MTRR: variants seen among roughly 807,000 people sequenced by gnomAD.
MTRR encodes the protein methionine synthase reductase.
MTRR carries 63 observed loss-of-function variants against 79.2 expected under a neutral mutation model. That is an observed-to-expected ratio of 0.80 (90% CI 0.65 to 0.98). The LOEUF is 0.98. Ranked by LOEUF, MTRR falls within the 50% of genes least tolerant of loss-of-function variation. The pLI, the probability that MTRR is intolerant of heterozygous loss-of-function variation, is 0.00. For synonymous variants in MTRR, 355 were observed against 313.3 expected, an observed-to-expected ratio of 1.13 and a Z score of -1.41; for missense variants, 895 against 839.6, an observed-to-expected ratio of 1.07 and a Z score of -0.82.
intron 9 of MTRR, among the ~76,000 whole-genome samples, chr5:7,891,118 T>A (rs1737467639): frequency 6.6e-6 from 1 of 152,146 alleles, no homozygotes; most frequent in Non-Finnish European, 1.5e-5. Flanking sequence ...CTTTTAAAAT[T>A]CGCCTTTGGG....
intron 9 of MTRR, among the ~76,000 whole-genome samples, chr5:7,890,971 T>A (rs946366511): frequency 1.5e-4 from 23 of 151,762 alleles, no homozygotes; most frequent in African/African-American, 5.1e-4. Context: ...ATGACTTTAT[T>A]TTAAATCTGA....
At chr5:7,862,886 T>C in intron 2 of MTRR, 1 of 1,614,108 alleles carries the variant, frequency 6.2e-7, no homozygotes, top group Non-Finnish European at 8.5e-7. Flanking sequence ...CCTAAAAGGT[T>C]AGTCAGCCCA....
intron 7 of MTRR, 141 bp downstream of exon 7, chr5:7,885,995 A>G (rs1031176896): frequency 7.9e-6 from 8 of 1,016,266 alleles, no homozygotes; most frequent in Admixed American, 1.8e-5. Context: ...AAGGTCTGGG[A>G]ACACAGGCAT....
intron 5 of MTRR, among the ~76,000 whole-genome samples, chr5:7,879,961 G>T (rs1371993054): frequency 6.6e-6 from 1 of 152,190 alleles, no homozygotes; most frequent in Non-Finnish European, 1.5e-5. Context: ...GTCCTCCCAG[G>T]TATGGAATGT....
chr5:7,854,563 C>T (rs890446016), intron 1 of MTRR, among the ~76,000 whole-genome samples: 4 of 151,960 alleles, frequency 2.6e-5, no homozygotes, highest in African/African-American at 4.8e-5. Flanking sequence ...TACATGGTGG[C>T]GGCAAGAGAA....
At chr5:7,896,989 C>T (rs766922571) in intron 13 of MTRR, 33 bp downstream of exon 13, 10 of 1,607,648 alleles carry the variant, frequency 6.2e-6, no homozygotes. Context: ...TACTCAACCA[C>T]TGAGTGTACA....
chr5:7,875,142 A>G, intron 3 of MTRR, 116 bp from the exon 4 acceptor site: 1 of 788,374 alleles, frequency 1.3e-6, no homozygotes, highest in South Asian at 1.4e-5. Flanking sequence ...GCTCTGCATT[A>G]TTACTCCATC....
intron 1 of MTRR, among the ~76,000 whole-genome samples, chr5:7,852,666 A>G (rs770681696): frequency 6.6e-6 from 1 of 151,944 alleles, no homozygotes; most frequent in Non-Finnish European, 1.5e-5. Context: ...TTTTTCTCCC[A>G]TGGGCTGAAG....
Position 7,870,899 on chromosome 5 carries a change from T to G in MTRR, c.105T>G (p.Leu35=). The stretch of plus-strand genomic sequence containing the variant: ...TGGTACATGGATTTTCTGCAGATCT[T>G]CACTGTATTAGTGAATCCGATAAGG... ...QAVVHGFSAD[L]HCISESDKYD... is the part of the protein sequence containing the mutation. The change falls in exon 2 of 15, where the codon CTT becomes CTG. Residue 35 remains leucine, a synonymous_variant. Coordinates refer to ENST00000440940, the MANE Select transcript of MTRR (RefSeq NM_002454.3). The G allele has an allele frequency of 6.2e-7, 1 of 1,614,148 alleles. No individual in the cohort carries two copies. Among genetic ancestry groups the G allele is most frequent in the Non-Finnish European group, 8.5e-7 (1 of 1,180,008 alleles).
At chr5:7,881,461 A>T (rs1735583976) in intron 5 of MTRR, among the ~76,000 whole-genome samples, 1 of 152,034 alleles carries the variant, frequency 6.6e-6, no homozygotes, top group South Asian at 2.1e-4. Context: ...TCTTCATGGG[A>T]GGGACTGGCC....
upstream of MTRR, chr5:7,850,926 C>A (rs750933526): frequency 1.5e-6 from 2 of 1,358,490 alleles, no homozygotes; most frequent in Admixed American, 5.8e-5. Context: ...GGCGCCGCGG[C>A]GGGATGTAGC....
rs374659219 is a variant in MTRR, at chr5:7,897,227, C to T, written c.1932C>T (p.Asn644=). The change falls in exon 14 of 15, where the codon AAC becomes AAT. Residue 644 remains asparagine, a synonymous_variant. Transcript: ENST00000440940. ...QQVARILLQE[N]GHIYVCGDAK... is the part of the protein sequence containing the mutation. Reference sequence around the variant, plus strand: ...TGGCGAGAATCCTCCTCCAGGAGAACGGCCATATTTATGTGTGTGGGTGAG... The same window carrying T: ...TGGCGAGAATCCTCCTCCAGGAGAATGGCCATATTTATGTGTGTGGGTGAG... 50 of 1,613,912 alleles carry T rather than the reference C, an allele frequency of 3.1e-5. No individual in the cohort carries two copies. In the East Asian group the frequency reaches 4.2e-4, roughly 14 times the overall value.
Position 7,878,295 on chromosome 5 carries a change from G to A in MTRR, c.753G>A (p.Gln251=), listed in dbSNP as rs1425857638. ...NIPGLPPEYL[Q]VHLQESLGQE... Reference sequence around the variant, plus strand: ...CTGGTTTACCCCCAGAATATTTACAGGTACATCTGCAGGAGTCTCTTGGCC... The same window carrying A: ...CTGGTTTACCCCCAGAATATTTACAAGTACATCTGCAGGAGTCTCTTGGCC... Residue 251 remains glutamine (Q), a synonymous_variant, in exon 5 of 15, where the codon CAG becomes CAA. Coordinates refer to ENST00000440940, the MANE Select transcript of MTRR (RefSeq NM_002454.3). 6.2e-7 allele frequency: 1 copy of A among 1,614,184 alleles called. No individual in the cohort carries two copies. The highest frequency in any genetic ancestry group is 1.7e-5 in the Admixed American group (1 of 60,020).
At chr5:7,871,486 A>G (rs1747989805) in intron 2 of MTRR, among the ~76,000 whole-genome samples, 1 of 152,138 alleles carries the variant, frequency 6.6e-6, no homozygotes, top group South Asian at 2.1e-4. Flanking sequence ...GTGTTCTTTT[A>G]TTTAGTTTGC....
chr5:7,899,411 T>C (rs930485806), intron 14 of MTRR, among the ~76,000 whole-genome samples: 2 of 152,138 alleles, frequency 1.3e-5, no homozygotes, highest in Non-Finnish European at 2.9e-5. Context: ...TTCTTGTAAA[T>C]TGAAGAGTTA....
At chr5:7,877,831 T>C (rs1045501728) in intron 4 of MTRR, 113 bp from the exon 5 acceptor site, 23 of 1,387,816 alleles carry the variant, frequency 1.7e-5, no homozygotes, top group Non-Finnish European at 2.0e-5. Flanking sequence ...GTCTTCATAG[T>C]GTTTCTAACA....
intron 5 of MTRR, among the ~76,000 whole-genome samples, chr5:7,880,616 T>C (rs1018034644): frequency 6.6e-6 from 1 of 152,206 alleles, no homozygotes; most frequent in African/African-American, 2.4e-5. Flanking sequence ...GTCATTTCTC[T>C]CAGGATGCTA....
upstream of MTRR, chr5:7,868,966 C>T (rs1220237943): frequency 6.4e-6 from 5 of 777,388 alleles, no homozygotes; most frequent in East Asian, 1.0e-4. Context: ...GGAGACCCCG[C>T]GTTGACACCT....
chr5:7,876,295 G>C (rs1734550646), intron 4 of MTRR, among the ~76,000 whole-genome samples: 2 of 152,082 alleles, frequency 1.3e-5, no homozygotes, highest in African/African-American at 2.4e-5. Flanking sequence ...ACATTTCCTT[G>C]GGAATTCACT....
Sources: allele counts gnomAD v4.1 joint callset (sites outside exome capture counted in the v4.1 genomes callset), GRCh38; gene constraint gnomAD v4.1.1; transcripts MANE v1.5; gene names NCBI Gene and HGNC (gene_info 2026-07-23, HGNC 2026-07-21).